The following PRSS22 variants were observed in gnomAD, a reference collection of about 807,000 sequenced individuals.
The protein encoded by PRSS22 is serine protease 22, also known as brain-specific serine protease 4.
In PRSS22, 26 loss-of-function variants were observed where a neutral mutation model predicts 28.0. The observed-to-expected ratio is 0.93, with a 90% confidence interval of 0.68 to 1.29. PRSS22 has a LOEUF of 1.29. PRSS22 is among the 50% of genes most tolerant of loss of function. The probability of loss-of-function intolerance (pLI) is 0.00; values close to 1 mark genes in which losing one functional copy is unlikely to be tolerated. For synonymous variants in PRSS22, 217 were observed against 177.9 expected, an observed-to-expected ratio of 1.22 and a Z score of -1.75; for missense variants, 444 against 422.1, an observed-to-expected ratio of 1.05 and a Z score of -0.46.
At chr16:2,857,926 T>G (rs2069478194) in intron 1 of PRSS22, 97 bp downstream of exon 1, 3 of 879,296 alleles carry the variant, frequency 3.4e-6, no homozygotes, top group South Asian at 5.7e-5. Context: ...GGAAAGGAGA[T>G]GAGAGAGGCA....
At position 2,853,606 on chromosome 16, in the gene PRSS22, C is replaced by T. The variant is rs750084642; in HGVS notation, c.717+259G>A. 6.6e-6 allele frequency among the ~76,000 whole-genome samples: 1 copy of T among 152,184 alleles called. No homozygotes were observed. Among genetic ancestry groups the T allele is most frequent in the African/African-American group, 2.4e-5 (1 of 41,458 alleles). On this transcript the variant is annotated intron_variant, in intron 5 of 5. Coordinates refer to ENST00000161006, the MANE Select transcript of PRSS22 (RefSeq NM_022119.4). The surrounding 1 kb of genome is among the most constrained non-coding windows in gnomAD (Gnocchi z 4.6). The stretch of plus-strand genomic sequence containing the variant: ...CTACAGCTGGCTCTGGGCACTGAGG[C>T]GTGGGAAGCCCCCTGAAGGAAATGA...
intron 1 of PRSS22, 156 bp downstream of exon 1, chr16:2,857,867 A>C (rs2069477621): frequency 4.0e-6 from 2 of 505,678 alleles, no homozygotes; most frequent in Non-Finnish European, 6.2e-6. Context: ...CCGTAGAAGA[A>C]ACCGAGGCAC....
In PRSS22 at chr16:2,855,866, A is replaced by G. The variant is rs1160754418; in HGVS notation, c.282-15T>C. 4 of 1,607,186 alleles carry G rather than the reference A, an allele frequency of 2.5e-6. No homozygotes were observed. The highest frequency in any genetic ancestry group is 2.5e-6 in the Non-Finnish European group (3 of 1,178,094). On this transcript the variant is annotated splice_polypyrimidine_tract_variant and intron_variant, in intron 3 of 5. Transcript: ENST00000161006. The stretch of plus-strand genomic sequence containing the variant: ...TGTTCAGGTTGCTGGAAGGAAAGGG[A>G]AGGGGAGGATCAGCCAGGCCTGGTC...
At chr16:2,856,456 A>AC (rs1242346232) in intron 2 of PRSS22, among the ~76,000 whole-genome samples, 1 of 149,538 alleles carries the variant, frequency 6.7e-6, no homozygotes, top group Admixed American at 6.7e-5. Context: ...CTCCACCCAT[A>AC]CCCCAAGCTC....
At chr16:2,857,905 A>G in intron 1 of PRSS22, 118 bp downstream of exon 1, 1 of 706,158 alleles carries the variant, frequency 1.4e-6, no homozygotes, top group Non-Finnish European at 2.0e-6. Context: ...AGAGATAAAC[A>G]GAGCAGAAGC....
rs972031884 is a variant in PRSS22 at position 2,855,560 on chromosome 16, G to C, written c.559+14C>G. 1 of 1,613,532 alleles carries C rather than the reference G, an allele frequency of 6.2e-7. No individual in the cohort carries two copies. Among genetic ancestry groups the C allele is most frequent in the Non-Finnish European group, 8.5e-7 (1 of 1,179,958 alleles). On this transcript the variant is annotated intron_variant, in intron 4 of 5. Coordinates refer to ENST00000161006, the MANE Select transcript of PRSS22 (RefSeq NM_022119.4). ...CATCTGCCCCCAACCACCTTGGAGA[G>C]GAAGAAGCCGCACCTCCATCTTGGA...
chr16:2,855,014 G>A (rs1434015488), intron 4 of PRSS22, among the ~76,000 whole-genome samples: 1 of 152,032 alleles, frequency 6.6e-6, no homozygotes, highest in Non-Finnish European at 1.5e-5. Flanking sequence ...ATAGCTTCAC[G>A]GGTCTGGCTG....
rs770849689 is a variant in PRSS22, at chr16:2,856,195, G to A, written c.168C>T (p.Ser56=). 6.2e-7 allele frequency: 1 copy of A among 1,613,808 alleles called. No individual in the cohort carries two copies. The highest frequency in any genetic ancestry group is 1.7e-5 in the Admixed American group (1 of 60,016). The stretch of plus-strand genomic sequence containing the variant: ...CGATCCAGGGCCACTCGCTGTCAGT[G>A]CTGTCCTCGCCGCCCACAACCCGGT... ...QLNRVVGGED[S]TDSEWPWIVS... is the part of the protein sequence containing the mutation. Residue 56 remains serine, a synonymous_variant, in exon 3 of 6, where the codon AGC becomes AGT. Coordinates refer to ENST00000161006, the MANE Select transcript of PRSS22 (RefSeq NM_022119.4).
rs564651478 is a variant in PRSS22 at position 2,856,379 on chromosome 16, C to T, written c.110-126G>A. On this transcript the variant is annotated intron_variant, in intron 2 of 5. Coordinates refer to ENST00000161006, the MANE Select transcript of PRSS22 (RefSeq NM_022119.4). ...GCTCCGTTCATGTCCCCAAGCTCTA[C>T]CCACATCCCAAGTTTCACTTGCACT... is the stretch of plus-strand genomic sequence containing the variant. The T allele has an allele frequency of 2.5e-5, 24 of 953,658 alleles. No individual in the cohort carries two copies. In the African/African-American group the frequency reaches 3.6e-4, roughly 14 times the overall value. The allele number at this position is 953,658 out of a possible 1,614,324, so 59.1% of individuals were successfully genotyped here.
rs2069453945 is a variant in PRSS22 at position 2,856,156 on chromosome 16, C to A, written c.207G>T (p.Lys69Asn). 2 of 1,613,986 alleles carry A rather than the reference C, an allele frequency of 1.2e-6. No individual in the cohort carries two copies. Among genetic ancestry groups the A allele is most frequent in the African/African-American group, 1.3e-5 (1 of 75,002 alleles). Residue 69 changes from lysine (K) to asparagine (N), a missense_variant, in exon 3 of 6, where the codon AAG becomes AAT. Transcript: ENST00000161006. ...AACCTGCGCAGTGGTGGGTCCCATT[C>A]TTCTGGATGCTCACGATCCAGGGCC... is the stretch of plus-strand genomic sequence containing the variant. The part of the protein sequence containing the change: ...SEWPWIVSIQ[K>N]NGTHHCAGSL...
rs972031884 is a variant in PRSS22, at chr16:2,855,560, G to A, written c.559+14C>T. Reference sequence around the variant, plus strand: ...CATCTGCCCCCAACCACCTTGGAGAGGAAGAAGCCGCACCTCCATCTTGGA... The same window carrying A: ...CATCTGCCCCCAACCACCTTGGAGAAGAAGAAGCCGCACCTCCATCTTGGA... On this transcript the variant is annotated intron_variant, in intron 4 of 5. Transcript: ENST00000161006. The A allele has an allele frequency of 3.7e-6, 6 of 1,613,650 alleles. No individual in the cohort carries two copies. In the South Asian group the frequency reaches 5.5e-5, roughly 15 times the overall value.
chr16:2,853,182 C>G lies in PRSS22; in HGVS notation c.865G>C (p.Val289Leu). ...CGCCCGCGGAGCTGCACCCCTTGCA[C>G]GATCTTCTCCACCCAGGAGCGGTGC... ...SAHRSWVEKIVQGVQLRGRAQ... is the reference protein window; with the variant it reads ...SAHRSWVEKILQGVQLRGRAQ... The change falls in exon 6 of 6, where the codon GTG (valine) becomes CTG (leucine). Residue 289 changes from valine (V) to leucine (L), a missense_variant. By Grantham distance (32) the Val-to-Leu change is conservative. Coordinates refer to ENST00000161006, the MANE Select transcript of PRSS22 (RefSeq NM_022119.4). The surrounding 1 kb of genome is among the most constrained non-coding windows in gnomAD (Gnocchi z 4.6). The G allele has an allele frequency of 6.3e-7, 1 of 1,599,674 alleles. No homozygotes were observed. The highest frequency in any genetic ancestry group is 8.5e-7 in the Non-Finnish European group (1 of 1,179,690).
At position 2,855,692 on chromosome 16, in the gene PRSS22, G is replaced by C. The variant is rs775115622; in HGVS notation, c.441C>G (p.Leu147=). The change falls in exon 4 of 6, where the codon CTC becomes CTG. Residue 147 remains leucine (L), a synonymous_variant. Transcript: ENST00000161006. ...GCTCTGAGAACTGTATGGAGCGCTC[G>C]AGACGCACCAGGGCAATGTCTGCAC... ...GACADIALVR[L]ERSIQFSERV... is the part of the protein sequence containing the mutation. The C allele has an allele frequency of 8.1e-6, 13 of 1,614,074 alleles. No homozygotes were observed. The highest frequency in any genetic ancestry group is 2.7e-5 in the African/African-American group (2 of 74,912).
At chr16:2,856,322 G>A in intron 2 of PRSS22, 69 bp from the exon 3 acceptor site, 2 of 1,523,172 alleles carry the variant, frequency 1.3e-6, no homozygotes. Flanking sequence ...CCAATCCCTA[G>A]GCCTGCACCC....
chr16:2,855,810 GC>G lies in PRSS22; in HGVS notation c.322del (p.Ala108ProfsTer91). On this transcript the variant is annotated frameshift_variant, in exon 4 of 6. Transcript: ENST00000161006. LOFTEE classifies it high-confidence loss of function. ...AGAGCCAGGGTTCCCCAGCTGCCAGGCCCCCAGCAGCACAGAGAACAGGTAT... is the reference window on the plus strand; with the variant it reads ...AGAGCCAGGGTTCCCCAGCTGCCAGGCCCCAGCAGCACAGAGAACAGGTAT... The part of the protein sequence containing the change: ...KPYLFSVLLG[A>X]WQLGNPGSRS... 1 of 1,613,670 alleles carries G rather than the reference GC, an allele frequency of 6.2e-7. No homozygotes were observed. Among genetic ancestry groups the G allele is most frequent in the Non-Finnish European group, 8.5e-7 (1 of 1,179,994 alleles).
rs2069480292 is a variant in PRSS22, at chr16:2,858,068, CCCCA to C, written c.33_36del (p.Gly12AlafsTer35). The C allele has an allele frequency of 1.6e-6, 2 of 1,276,680 alleles. No homozygotes were observed. The highest frequency in any genetic ancestry group is 1.0e-6 in the Non-Finnish European group (1 of 1,003,650). 79.1% of individuals were successfully genotyped at this position (1,276,680 alleles called of 1,614,324 possible). Reference sequence around the variant, plus strand: ...AGGGAGGTGAAGGTGCCGAGACAGCCCCCACCCAGGGCTGGGGGCGCTCCAGAAA... The same window carrying C: ...AGGGAGGTGAAGGTGCCGAGACAGCCCCCAGGGCTGGGGGCGCTCCAGAAA... On this transcript the variant is annotated frameshift_variant, in exon 1 of 6. Coordinates refer to ENST00000161006, the MANE Select transcript of PRSS22 (RefSeq NM_022119.4). LOFTEE classifies it high-confidence loss of function.
At chr16:2,857,931 G>C (rs1040362626) in intron 1 of PRSS22, 92 bp downstream of exon 1, 1 of 964,396 alleles carries the variant, frequency 1.0e-6, no homozygotes, top group Admixed American at 4.2e-5. Flanking sequence ...GGAGATGAGA[G>C]AGGCAAGGCC....
chr16:2,857,712 A>T, intron 1 of PRSS22: 1 of 254,982 alleles, frequency 3.9e-6, no homozygotes, highest in Non-Finnish European at 7.4e-6. Flanking sequence ...ACAACACAAA[A>T]CGGTGCTTCC....
intron 1 of PRSS22, 24 bp downstream of exon 1, chr16:2,857,999 G>A: frequency 3.2e-6 from 4 of 1,265,656 alleles, no homozygotes; most frequent in Non-Finnish European, 1.0e-6. Context: ...AGAGGGAGGA[G>A]GGAGGAGCAG....
Sources: allele counts gnomAD v4.1 joint callset (sites outside exome capture counted in the v4.1 genomes callset), GRCh38; gene constraint gnomAD v4.1.1; non-coding constraint Gnocchi (gnomAD v3.1); transcripts MANE v1.5; gene names NCBI Gene and HGNC (gene_info 2026-07-23, HGNC 2026-07-21).